The following PITPNC1 variants were observed in gnomAD, a reference collection of about 807,000 sequenced individuals.
PITPNC1 encodes cytoplasmic phosphatidylinositol transfer protein 1.
A neutral mutation model predicts 44.7 loss-of-function variants in PITPNC1; 18 were observed. That is an observed-to-expected ratio of 0.40 (90% CI 0.28 to 0.60). PITPNC1 has a LOEUF of 0.60. PITPNC1 is among the 20% of genes least tolerant of loss of function. The pLI is 0.39. For synonymous variants in PITPNC1, 141 were observed against 149.6 expected (o/e 0.94, Z 0.42); for missense variants, 290 against 418.4 (o/e 0.69, Z 2.68).
At chr17:67,571,147 G>C (rs2144213355) in intron 4 of PITPNC1, among the ~76,000 whole-genome samples, 1 of 152,348 alleles carries the variant, frequency 6.6e-6, no homozygotes, top group African/African-American at 2.4e-5. Context: ...AACAACACAA[G>C]TGGCTGGGTG....
chr17:67,448,313 C>A (rs2039129239), intron 1 of PITPNC1, among the ~76,000 whole-genome samples: 1 of 151,880 alleles, frequency 6.6e-6, no homozygotes, highest in Non-Finnish European at 1.5e-5. Flanking sequence ...TTTTCATTTG[C>A]TTTTGGTCAC....
rs2042956332 is a variant in PITPNC1, at chr17:67,692,936, T to TG, written c.*49dup. ...GTTTTATATTTTCATTTGTTGTTGT[T>TG]GTTTTTTTTTAAGAATCTTCTGATA... On this transcript the variant is annotated 3_prime_UTR_variant, in exon 9 of 9. Coordinates refer to ENST00000581322, the MANE Select transcript of PITPNC1 (RefSeq NM_012417.4). The TG allele has an allele frequency of 1.8e-6, 2 of 1,091,182 alleles. No individual in the cohort carries two copies. The highest frequency in any genetic ancestry group is 2.7e-6 in the Non-Finnish European group (2 of 752,330). 67.6% of individuals were successfully genotyped at this position (1,091,182 alleles called of 1,614,324 possible).
intron 6 of PITPNC1, among the ~76,000 whole-genome samples, chr17:67,645,852 T>TG (rs1376624953): frequency 2.0e-4 from 31 of 152,284 alleles, no homozygotes; most frequent in African/African-American, 7.2e-4. Flanking sequence ...AGGCCGGCTG[T>TG]GATTGTTCAC....
At chr17:67,396,030 G>A (rs572077211) in intron 1 of PITPNC1, among the ~76,000 whole-genome samples, 50 of 152,290 alleles carry the variant, frequency 3.3e-4, no homozygotes, top group African/African-American at 1.2e-3. Flanking sequence ...CGGAAACTTG[G>A]ACACAGCTGA....
chr17:67,539,918 T>C (rs554569895), intron 2 of PITPNC1, among the ~76,000 whole-genome samples: 1 of 152,230 alleles, frequency 6.6e-6, no homozygotes, highest in African/African-American at 2.4e-5. Flanking sequence ...ACAATATGCA[T>C]AATATTACTA....
At chr17:67,590,953 CAAAA>C (rs200548431) in intron 5 of PITPNC1, among the ~76,000 whole-genome samples, 1 of 123,394 alleles carries the variant, frequency 8.1e-6, no homozygotes, top group Non-Finnish European at 1.7e-5. Context: ...AACTCTGTCT[CAAAA>C]AAAAAAAAAG....
intron 1 of PITPNC1, among the ~76,000 whole-genome samples, chr17:67,447,114 A>AAAAAG: frequency 6.6e-6 from 1 of 150,582 alleles, no homozygotes; most frequent in Non-Finnish European, 1.5e-5. Flanking sequence ...AAAAAAAAAA[A>AAAAAG]AAGAATGACC....
At chr17:67,539,628 G>A (rs1002229695) in intron 2 of PITPNC1, among the ~76,000 whole-genome samples, 1 of 152,322 alleles carries the variant, frequency 6.6e-6, no homozygotes, top group Non-Finnish European at 1.5e-5. Flanking sequence ...CACGAGGTCA[G>A]GAGATCGAGA....
At chr17:67,472,889 T>TG (rs1387721302) in intron 1 of PITPNC1, among the ~76,000 whole-genome samples, 1 of 151,834 alleles carries the variant, frequency 6.6e-6, no homozygotes, top group African/African-American at 2.4e-5. Flanking sequence ...GGTATTTTTT[T>TG]TTTTTTGACG....
At chr17:67,461,797 G>A (rs1194915138) in intron 1 of PITPNC1, among the ~76,000 whole-genome samples, 1 of 152,176 alleles carries the variant, frequency 6.6e-6, no homozygotes, top group Non-Finnish European at 1.5e-5. Context: ...CTGGGTGACT[G>A]AGGGAGACCC....
chr17:67,558,139 A>G (rs990437400), intron 4 of PITPNC1, among the ~76,000 whole-genome samples: 2 of 152,172 alleles, frequency 1.3e-5, no homozygotes, highest in African/African-American at 4.8e-5. Context: ...AAAGAAACCT[A>G]TTTAGAGTCA....
At chr17:67,435,612 G>A (rs1030672347) in intron 1 of PITPNC1, among the ~76,000 whole-genome samples, 7 of 152,154 alleles carry the variant, frequency 4.6e-5, no homozygotes, top group Non-Finnish European at 1.0e-4. Flanking sequence ...TCAGCACTTT[G>A]GTAGGCCAAG....
In PITPNC1 at chr17:67,414,807, T is replaced by C. The variant is rs1452876517; in HGVS notation, c.48+36605T>C. 9.9e-5 allele frequency among the ~76,000 whole-genome samples: 15 copies of C among 152,206 alleles called. No homozygotes were observed. In the East Asian group the frequency reaches 2.9e-3, roughly 29 times the overall value. ...GGGCAAAGGGGAAGGTCCAGTTGAA[T>C]TGAAATACTCATCAGTTTCTGAGTG... On this transcript the variant is annotated intron_variant, in intron 1 of 8. Coordinates refer to ENST00000581322, the MANE Select transcript of PITPNC1 (RefSeq NM_012417.4).
At chr17:67,636,996 C>A (rs1304138125) in intron 6 of PITPNC1, among the ~76,000 whole-genome samples, 1 of 152,166 alleles carries the variant, frequency 6.6e-6, no homozygotes, top group Non-Finnish European at 1.5e-5. Context: ...TGGGCATGCC[C>A]CCACCACTGC....
intron 5 of PITPNC1, among the ~76,000 whole-genome samples, chr17:67,609,043 G>A (rs916662441): frequency 1.7e-4 from 25 of 151,024 alleles, no homozygotes; most frequent in Non-Finnish European, 3.1e-4. Context: ...TTTATTTTTT[G>A]TAGAGACAGG....
intron 1 of PITPNC1, among the ~76,000 whole-genome samples, chr17:67,404,955 T>A (rs1412011416): frequency 6.6e-6 from 1 of 152,036 alleles, no homozygotes; most frequent in Admixed American, 6.6e-5. Context: ...TCATTTAAAT[T>A]CAGATTTAGG....
chr17:67,383,883 CA>C (rs1156829186), intron 1 of PITPNC1, among the ~76,000 whole-genome samples: 1 of 151,984 alleles, frequency 6.6e-6, no homozygotes. Context: ...ACTAAAAATA[CA>C]AAATTAGCCA....
At chr17:67,553,851 A>T (rs2040799218) in intron 4 of PITPNC1, among the ~76,000 whole-genome samples, 1 of 152,232 alleles carries the variant, frequency 6.6e-6, no homozygotes, top group African/African-American at 2.4e-5. Flanking sequence ...CACTTTACGT[A>T]ATCAGCCTTT....
Position 67,577,869 on chromosome 17 carries a change from G to A in PITPNC1, c.295-317G>A, listed in dbSNP as rs114344623. Among the ~76,000 whole-genome samples the A allele has an allele frequency of 3.0e-3, 450 of 152,230 alleles. 3 individuals carry two copies. Among genetic ancestry groups the A allele is most frequent in the African/African-American group, 0.01 (434 of 41,526 alleles). On this transcript the variant is annotated intron_variant, in intron 4 of 8. Coordinates refer to ENST00000581322, the MANE Select transcript of PITPNC1 (RefSeq NM_012417.4). ...TAAGCTCACCAGAACTGGAACTGGCGTGATTTAGGGGTTTGCTTTTCTAAA... is the reference window on the plus strand; with the variant it reads ...TAAGCTCACCAGAACTGGAACTGGCATGATTTAGGGGTTTGCTTTTCTAAA...
Sources: gnomAD v4.1 joint callset for allele counts (sites outside exome capture counted in the v4.1 genomes callset) on GRCh38, gnomAD v4.1.1 for gene constraint, MANE v1.5 for transcripts, NCBI Gene and HGNC (gene_info 2026-07-23, HGNC 2026-07-21) for gene names.